LOXL4: variants seen among roughly 807,000 people sequenced by gnomAD.
LOXL4 encodes the protein lysyl oxidase homolog 4.
Under a neutral mutation model 89.1 loss-of-function variants are expected in LOXL4, and 72 were observed. That is an observed-to-expected ratio of 0.81 (90% CI 0.67 to 0.98). LOXL4 has a LOEUF of 0.98. Ranked by LOEUF, LOXL4 falls within the 50% of genes least tolerant of loss-of-function variation. The pLI is 0.00. For missense variants in LOXL4, 984 were observed against 1,017.5 expected, an observed-to-expected ratio of 0.97 and a Z score of 0.45; for synonymous variants, 355 against 392.1, an observed-to-expected ratio of 0.91 and a Z score of 1.12.
intron 4 of LOXL4, 49 bp downstream of exon 4, chr10:98,260,873 T>TGCCCCACA: frequency 1.3e-6 from 2 of 1,546,092 alleles, no homozygotes; most frequent in Non-Finnish European, 1.8e-6. Context: ...ACTCAGTCCC[T>TGCCCCACA]GCCCCACAAC....
intron 3 of LOXL4, 130 bp downstream of exon 3, chr10:98,261,905 G>A (rs185839969): frequency 1.1e-5 from 11 of 960,824 alleles, no homozygotes; most frequent in South Asian, 6.2e-5. Flanking sequence ...AGGAGTCGGC[G>A]GCCTGGGGAC....
At position 98,254,443 on chromosome 10, in the gene LOXL4, A is replaced by G. The variant is rs557925490; in HGVS notation, c.1592-647T>C. The stretch of plus-strand genomic sequence containing the variant: ...CTTGCCCCAGGCTGGAGCCATCTGC[A>G]TCTGGCAGTTGGCCATGTAGGGTCC... On this transcript the variant is annotated intron_variant, in intron 10 of 14. Transcript: ENST00000260702. Among the ~76,000 whole-genome samples the G allele has an allele frequency of 5.9e-5, 9 of 152,362 alleles. 1 individual carries two copies. In the South Asian group the frequency reaches 1.9e-3, roughly 32 times the overall value.
At chr10:98,267,360 C>T (rs1463539238) in intron 1 of LOXL4, among the ~76,000 whole-genome samples, 1 of 152,190 alleles carries the variant, frequency 6.6e-6, no homozygotes, top group Non-Finnish European at 1.5e-5. Flanking sequence ...CAGCTTGAGG[C>T]ACAGAGGCAC....
chr10:98,251,758 T>A (rs1858199410), intron 12 of LOXL4, 56 bp from the exon 13 acceptor site: 1 of 1,590,240 alleles, frequency 6.3e-7, no homozygotes, highest in Admixed American at 1.7e-5. Context: ...CTGCTAGGTC[T>A]TTTATTTCCT....
intron 13 of LOXL4, 24 bp downstream of exon 13, chr10:98,251,542 T>TG: frequency 6.2e-7 from 1 of 1,612,750 alleles, no homozygotes; most frequent in Non-Finnish European, 8.5e-7. Flanking sequence ...TCAGGCTCTG[T>TG]GGGGAATCCC....
chr10:98,263,298 C>T (rs1858599468), intron 1 of LOXL4, among the ~76,000 whole-genome samples: 1 of 152,170 alleles, frequency 6.6e-6, no homozygotes, highest in Admixed American at 6.5e-5. Context: ...GAGTCTCAGT[C>T]TCCTCATCTG....
chr10:98,253,586 C>T lies in LOXL4; in HGVS notation c.1802G>A (p.Gly601Glu), dbSNP rs1858266726. 8 of 1,614,140 alleles carry T rather than the reference C, an allele frequency of 5.0e-6. No homozygotes were observed. The highest frequency in any genetic ancestry group is 5.1e-6 in the Non-Finnish European group (6 of 1,180,066). The change falls in exon 11 of 15, where the codon GGA becomes GAA. Residue 601 changes from glycine to glutamate, a missense_variant. Physicochemically the swap from Gly to Glu is moderately conservative, Grantham distance 98. Coordinates refer to ENST00000260702, the MANE Select transcript of LOXL4 (RefSeq NM_032211.7). ...LGRTDFRPKT[G>E]RDSWVWHQCH... The stretch of plus-strand genomic sequence containing the variant: ...CTGGTGCCAAACCCAGCTATCGCGT[C>T]CAGTCTTTGGACGAAAGTCAGTCCG...
chr10:98,255,428 G>T, intron 10 of LOXL4, 149 bp downstream of exon 10: 1 of 823,326 alleles, frequency 1.2e-6, no homozygotes, highest in Non-Finnish European at 1.8e-6. Flanking sequence ...TGGGATGGGT[G>T]ATTTGGCCAC....
Position 98,256,929 on chromosome 10 carries a change from G to A in LOXL4, c.1279C>T (p.Arg427Cys), listed in dbSNP as rs751507704. The A allele has an allele frequency of 5.1e-5, 83 of 1,613,864 alleles. No individual in the cohort carries two copies. Among genetic ancestry groups the A allele is most frequent in the Non-Finnish European group, 6.7e-5 (79 of 1,179,970 alleles). Residue 427 changes from arginine to cysteine, a missense_variant, in exon 9 of 15, where the codon CGT becomes TGT. Transcript: ENST00000260702. ...FQNQVRLAGGRIPEEGLLEVQ... is the reference protein window; with the variant it reads ...FQNQVRLAGGCIPEEGLLEVQ... ...TCCAATAGCCCCTCCTCAGGGATAC[G>A]CCCACCAGCCAAGCGCACCTGCAAT...
chr10:98,251,971 T>A, intron 12 of LOXL4: 1 of 518,788 alleles, frequency 1.9e-6, no homozygotes, highest in Middle Eastern at 5.1e-4. Context: ...TGCATCCGCC[T>A]ATCCATCCTT....
Position 98,248,628 on chromosome 10 carries a change from G to A in LOXL4, c.*293C>T. The A allele has an allele frequency of 5.4e-6, 2 of 370,560 alleles. No individual in the cohort carries two copies. The highest frequency in any genetic ancestry group is 5.2e-5 in the East Asian group (1 of 19,188). The allele number at this position is 370,560 out of a possible 1,614,324, so 23.0% of individuals were successfully genotyped here. On this transcript the variant is annotated 3_prime_UTR_variant, in exon 15 of 15. Transcript: ENST00000260702. ...GAGAGCTCCTGAATCCCGGATCTCT[G>A]TGGCAAGATTCAGGGATGACTGGGT...
At chr10:98,252,177 A>G (rs1858211359) in intron 12 of LOXL4, 176 bp downstream of exon 12, 1 of 591,942 alleles carries the variant, frequency 1.7e-6, no homozygotes, top group Non-Finnish European at 3.0e-6. Flanking sequence ...GAGGAAGTAA[A>G]AACCTCCTGC....
At chr10:98,261,753 T>C (rs974233330) in intron 3 of LOXL4, among the ~76,000 whole-genome samples, 1 of 152,230 alleles carries the variant, frequency 6.6e-6, no homozygotes, top group Non-Finnish European at 1.5e-5. Flanking sequence ...CCAGGCCTCA[T>C]GGATGAGGGA....
chr10:98,266,126 G>C (rs990222207), intron 1 of LOXL4, among the ~76,000 whole-genome samples: 1 of 152,154 alleles, frequency 6.6e-6, no homozygotes, highest in African/African-American at 2.4e-5. Flanking sequence ...GCCAGGGACT[G>C]AGCCAAACCA....
In LOXL4 at chr10:98,258,107, G is replaced by A. The variant is rs1858434996; in HGVS notation, c.979C>T (p.Leu327Phe). 6.2e-7 allele frequency: 1 copy of A among 1,613,354 alleles called. No homozygotes were observed. The highest frequency in any genetic ancestry group is 1.7e-5 in the Admixed American group (1 of 60,000). Residue 327 changes from leucine (L) to phenylalanine (F), a missense_variant, in exon 7 of 15, where the codon CTC becomes TTC. Physicochemically the swap from Leu to Phe is conservative, Grantham distance 22 (BLOSUM62 0). Transcript: ENST00000260702. ...ACCGTGCCCCACTGGCGGTTCATGA[G>A]CACTTCCACCCGGCCCTCGCCCACC... ...AQVGEGRVEV[L>F]MNRQWGTVCD...
At chr10:98,267,317 G>A (rs914926369) in intron 1 of LOXL4, among the ~76,000 whole-genome samples, 2 of 152,168 alleles carry the variant, frequency 1.3e-5, no homozygotes, top group Admixed American at 6.5e-5. Context: ...GGTGCTCTTC[G>A]CTGAATGCCG....
chr10:98,263,429 C>A (rs1485903433), intron 1 of LOXL4, among the ~76,000 whole-genome samples: 1 of 152,184 alleles, frequency 6.6e-6, no homozygotes, highest in Non-Finnish European at 1.5e-5. Context: ...AGCTCTTATA[C>A]ACCTAAAATC....
At chr10:98,266,059 G>A (rs10748723) in intron 1 of LOXL4, among the ~76,000 whole-genome samples, 91,108 of 152,004 alleles carry the variant, frequency 0.6, 28,349 homozygotes, top group East Asian at 0.77. Flanking sequence ...CATGAGCAGA[G>A]TGCTCTCCAT....
chr10:98,257,756 C>T lies in LOXL4; in HGVS notation c.1154G>A (p.Arg385Gln), dbSNP rs544139451. ...CAGGGCAGGGCAGTCGCTGAGGGTC[C>T]GCTCATATCCCCTGCAGCGCACCTC... ...LSEVRCRGYE[R>Q]TLSDCPALEG... Residue 385 changes from arginine to glutamine, a missense_variant, in exon 8 of 15, where the codon CGG becomes CAG. Transcript: ENST00000260702. 9.3e-6 allele frequency: 15 copies of T among 1,613,972 alleles called. No individual in the cohort carries two copies. Among genetic ancestry groups the T allele is most frequent in the Admixed American group, 3.3e-5 (2 of 59,988 alleles).
Sources: allele counts gnomAD v4.1 joint callset (sites outside exome capture counted in the v4.1 genomes callset), GRCh38; gene constraint gnomAD v4.1.1; transcripts MANE v1.5; gene names NCBI Gene and HGNC (gene_info 2026-07-23, HGNC 2026-07-21).